TENM2: variants seen among roughly 807,000 people sequenced by gnomAD.
TENM2 encodes the protein teneurin-2.
In TENM2, 52 loss-of-function variants were observed where a neutral mutation model predicts 245.2. The observed-to-expected ratio is 0.21, with a 90% confidence interval of 0.17 to 0.27. TENM2 has a LOEUF of 0.27. TENM2 is among the 10% of genes least tolerant of loss of function. TENM2 has a pLI of 1.00. For missense variants in TENM2, 3,046 were observed against 3,666.8 expected (o/e 0.83, Z 4.37); for synonymous variants, 1,363 against 1,438.9 (o/e 0.95, Z 1.19).
intron 2 of TENM2, among the ~76,000 whole-genome samples, chr5:167,383,517 T>C (rs1761219290): frequency 6.6e-6 from 1 of 152,124 alleles, no homozygotes; most frequent in Non-Finnish European, 1.5e-5. Context: ...TTTGACTTGG[T>C]GGGGAATCCG....
intron 2 of TENM2, among the ~76,000 whole-genome samples, chr5:167,853,296 A>AAAAAAAAAAAAAAAAAAAAAAG: frequency 7.2e-6 from 1 of 138,460 alleles, no homozygotes; most frequent in African/African-American, 2.7e-5. Context: ...TCTCAAAAAA[A>AAAAAAAAAAAAAAAAAAAAAAG]AAAAAAAAAA....
chr5:167,553,981 C>T (rs766190963), intron 2 of TENM2, among the ~76,000 whole-genome samples: 7 of 152,176 alleles, frequency 4.6e-5, no homozygotes, highest in Non-Finnish European at 8.8e-5. Flanking sequence ...GGGTCCTCTT[C>T]AGGTCTCACA....
intron 2 of TENM2, among the ~76,000 whole-genome samples, chr5:167,758,067 TG>T (rs1762424964): frequency 6.6e-6 from 1 of 152,150 alleles, no homozygotes; most frequent in African/African-American, 2.4e-5. Flanking sequence ...GTTTGCACTG[TG>T]GGGTTGTCTT....
At chr5:167,905,785 A>G (rs911494432) in intron 3 of TENM2, among the ~76,000 whole-genome samples, 3 of 152,236 alleles carry the variant, frequency 2.0e-5, no homozygotes, top group African/African-American at 7.2e-5. Flanking sequence ...CAATGTGATC[A>G]TTATGCCACC....
chr5:167,067,451 A>G, the TENM2 span, among the ~76,000 whole-genome samples: 123 of 152,274 alleles, frequency 8.1e-4, 1 homozygote, highest in African/African-American at 2.5e-3. Flanking sequence ...CCAACATTTG[A>G]CAGATTATTG....
intron 1 of TENM2, among the ~76,000 whole-genome samples, chr5:167,350,862 G>GGATATATATATATGGGGTA (rs1758841419): frequency 7.6e-4 from 26 of 34,316 alleles, no homozygotes; most frequent in African/African-American, 1.1e-3. Flanking sequence ...TATATGGGAT[G>GGATATATATATATGGGGTA]TATACATATG....
At chr5:167,909,893 T>C (rs564601259) in intron 3 of TENM2, among the ~76,000 whole-genome samples, 1 of 150,786 alleles carries the variant, frequency 6.6e-6, no homozygotes, top group East Asian at 1.9e-4. Flanking sequence ...TGCCTGGCTT[T>C]GAAATTGTGA....
chr5:167,437,632 T>C (rs914537924), intron 2 of TENM2, among the ~76,000 whole-genome samples: 2 of 152,142 alleles, frequency 1.3e-5, no homozygotes, highest in Admixed American at 1.3e-4. Flanking sequence ...AAATCTCATA[T>C]GGAATTGTAA....
intron 2 of TENM2, among the ~76,000 whole-genome samples, chr5:167,711,905 A>C (rs1006570194): frequency 6.6e-6 from 1 of 152,158 alleles, no homozygotes; most frequent in African/African-American, 2.4e-5. Flanking sequence ...CTTGCCACCA[A>C]CTGAACCTTG....
intron 2 of TENM2, among the ~76,000 whole-genome samples, chr5:167,497,436 C>T (rs1028558476): frequency 6.6e-6 from 1 of 152,010 alleles, no homozygotes; most frequent in Non-Finnish European, 1.5e-5. Context: ...GCCGTGGCAG[C>T]GCAATCATTT....
the TENM2 span, among the ~76,000 whole-genome samples, chr5:167,260,240 T>G: frequency 6.6e-6 from 1 of 152,194 alleles, no homozygotes; most frequent in Non-Finnish European, 1.5e-5. Context: ...CTTTATTTCT[T>G]CATTAACAGT....
intron 2 of TENM2, among the ~76,000 whole-genome samples, chr5:167,650,182 C>T (rs1754357840): frequency 6.6e-6 from 1 of 152,164 alleles, no homozygotes; most frequent in African/African-American, 2.4e-5. Flanking sequence ...CTTTAGTCTT[C>T]TATAGGAAAC....
intron 2 of TENM2, among the ~76,000 whole-genome samples, chr5:167,518,311 C>T (rs1441670571): frequency 6.6e-6 from 1 of 152,158 alleles, no homozygotes; most frequent in African/African-American, 2.4e-5. Context: ...GGATTTCCCT[C>T]TATTTCATCC....
the TENM2 span, among the ~76,000 whole-genome samples, chr5:167,010,895 T>C: frequency 3.3e-5 from 5 of 152,212 alleles, no homozygotes; most frequent in Non-Finnish European, 1.5e-5. Context: ...AATATGTGCC[T>C]GGTGGTTTGC....
At chr5:167,560,283 C>T (rs1221945596) in intron 2 of TENM2, among the ~76,000 whole-genome samples, 6 of 152,192 alleles carry the variant, frequency 3.9e-5, no homozygotes, top group Admixed American at 3.9e-4. Context: ...TTTAGTCTCT[C>T]TTACTGCATT....
chr5:167,940,674 T>G (rs1779105219), intron 3 of TENM2, among the ~76,000 whole-genome samples: 2 of 152,206 alleles, frequency 1.3e-5, no homozygotes, highest in Admixed American at 1.3e-4. Flanking sequence ...GCCTTTCTTA[T>G]TTCTTGCAAT....
At chr5:167,878,689 A>G (rs772414456) in intron 3 of TENM2, among the ~76,000 whole-genome samples, 3 of 152,080 alleles carry the variant, frequency 2.0e-5, no homozygotes, top group Non-Finnish European at 2.9e-5. Context: ...TTTAAATTTG[A>G]CATAAAGGAT....
At chr5:168,197,491 G>A (rs1351695639) in intron 15 of TENM2, among the ~76,000 whole-genome samples, 1 of 152,090 alleles carries the variant, frequency 6.6e-6, no homozygotes, top group African/African-American at 2.4e-5. Context: ...ACGAAGTCAG[G>A]AGATGGAGAC....
intron 2 of TENM2, among the ~76,000 whole-genome samples, chr5:167,752,100 C>T (rs768981916): frequency 6.6e-6 from 1 of 151,534 alleles, no homozygotes; most frequent in Non-Finnish European, 1.5e-5. Flanking sequence ...CCCTTCTTTC[C>T]TTCTTTTTTT....
Sources: gnomAD v4.1 joint callset for allele counts (sites outside exome capture counted in the v4.1 genomes callset) on GRCh38, gnomAD v4.1.1 for gene constraint, MANE v1.5 for transcripts, NCBI Gene and HGNC (gene_info 2026-07-23, HGNC 2026-07-21) for gene names.